Variants in TASOR observed in about 807,000 individuals in gnomAD.
TASOR encodes the protein transcription activation suppressor.
In TASOR, 53 loss-of-function variants were observed where a neutral mutation model predicts 178.6. That is an observed-to-expected ratio of 0.30 (90% confidence interval 0.24 to 0.37). The LOEUF (loss-of-function observed/expected upper bound fraction) is 0.37. Among genes scored for constraint, TASOR ranks in the 10% least tolerant of loss-of-function variants. TASOR has a pLI of 1.00. For missense variants in TASOR, 1,815 were observed against 1,971.4 expected (o/e 0.92, Z 1.50); for synonymous variants, 713 against 696.2 (o/e 1.02, Z -0.38).
chr3:56,641,504 T>C lies in TASOR; in HGVS notation c.2464A>G (p.Lys822Glu). The C allele has an allele frequency of 3.1e-6, 5 of 1,614,010 alleles. No individual in the cohort carries two copies. Among genetic ancestry groups the C allele is most frequent in the South Asian group, 1.1e-5 (1 of 91,078 alleles). Residue 822 changes from lysine to glutamate, a missense_variant, in exon 15 of 24, where the codon AAG (lysine) becomes GAG (glutamate). Physicochemically the swap from Lys to Glu is moderately conservative, Grantham distance 56. Coordinates refer to ENST00000683822, the MANE Select transcript of TASOR (RefSeq NM_001365635.2). ...HEYELNSTPDKKDYEQPTCAK... is the reference protein window; with the variant it reads ...HEYELNSTPDEKDYEQPTCAK... ...CAAGTAGGCTGCTCATAGTCTTTCT[T>C]ATCTGGGGTAGAGTTCAACTCATAC... is the stretch of plus-strand genomic sequence containing the variant.
rs1193453707 is a variant in TASOR at position 56,638,713 on chromosome 3, T to G, written c.2817A>C (p.Gln939His). 1 of 1,613,994 alleles carries G rather than the reference T, an allele frequency of 6.2e-7. No homozygotes were observed. Among genetic ancestry groups the G allele is most frequent in the Non-Finnish European group, 8.5e-7 (1 of 1,180,000 alleles). Residue 939 changes from glutamine to histidine, a missense_variant, in exon 17 of 24, where the codon CAA becomes CAC. By Grantham distance (24) the Gln-to-His change is conservative. Around this residue, in one of 5 missense-constraint regions of TASOR, gnomAD observed 655 missense variants for 671.1 expected, o/e 0.98. Transcript: ENST00000683822. ...CAAAGCAAGCCTTCTCACCTGGTGT[T>G]TGTTTCTCACCATGTTTCCCCAGCT... The part of the protein sequence containing the change: ...EDQLGKHGEK[Q>H]TPGMKSPEEQ...
rs994901125 is a variant in TASOR, at chr3:56,621,472, A to G, written c.*1565T>C. 49 of 1,097,542 alleles carry G rather than the reference A, an allele frequency of 4.5e-5. 1 individual carries two copies. In the Middle Eastern group the frequency reaches 6.3e-4, roughly 14 times the overall value. The allele number at this position is 1,097,542 out of a possible 1,614,324, so 68.0% of individuals were successfully genotyped here. A position where few individuals can be genotyped will look rare whatever the true frequency, so the allele number is the denominator to read the frequency against. ...CAAGTGAATATAATTCTAGTTTAACACAACATTGCAAGTCAGGTGTGCACA... is the reference window on the plus strand; with the variant it reads ...CAAGTGAATATAATTCTAGTTTAACGCAACATTGCAAGTCAGGTGTGCACA... On this transcript the variant is annotated 3_prime_UTR_variant, in exon 24 of 24. Transcript: ENST00000683822.
At chr3:56,668,600 T>A (rs565407742) in intron 5 of TASOR, 42 bp from the exon 6 acceptor site, 1 of 1,311,540 alleles carries the variant, frequency 7.6e-7, no homozygotes, top group African/African-American at 1.5e-5. Context: ...CTAAACCTAA[T>A]TGTTGACTAT....
At chr3:56,671,726 C>T (rs963897049) in intron 2 of TASOR, 34 bp from the exon 3 acceptor site, 25 of 1,429,342 alleles carry the variant, frequency 1.7e-5, no homozygotes, top group Non-Finnish European at 2.3e-5. Flanking sequence ...AACTACTTAG[C>T]ATGTGATTAT....
intron 11 of TASOR, among the ~76,000 whole-genome samples, chr3:56,653,941 T>G (rs1040553575): frequency 6.6e-6 from 1 of 152,176 alleles, no homozygotes; most frequent in Non-Finnish European, 1.5e-5. Context: ...TTTTTCTGAC[T>G]TAAAGACAGA....
chr3:56,644,630 G>A (rs1379651034), intron 14 of TASOR, among the ~76,000 whole-genome samples: 1 of 152,164 alleles, frequency 6.6e-6, no homozygotes, highest in Non-Finnish European at 1.5e-5. Flanking sequence ...TATATAAGAT[G>A]AGATTGGTAG....
Position 56,633,705 on chromosome 3 carries a change from G to A in TASOR, c.3086C>T (p.Ser1029Phe), listed in dbSNP as rs1319497651. 5.0e-6 allele frequency: 8 copies of A among 1,613,916 alleles called. No homozygotes were observed. The highest frequency in any genetic ancestry group is 1.7e-5 in the Admixed American group (1 of 59,998). The change falls in exon 18 of 24, where the codon TCT becomes TTT. Residue 1029 changes from serine to phenylalanine, a missense_variant. Coordinates refer to ENST00000683822, the MANE Select transcript of TASOR (RefSeq NM_001365635.2). ...CTTCAAAATCTCTTCTATCTTCCTA[G>A]AAAAGAGATTGTACTCTCCTAACAC... is the stretch of plus-strand genomic sequence containing the variant. ...RTVLGEYNLF[S>F]RKIEEILKQK... is the part of the protein sequence containing the mutation.
chr3:56,638,948 C>CACCAAGTATGAAGGTGTCTAAATGAGAA (rs1402428700), intron 16 of TASOR, among the ~76,000 whole-genome samples, 183 bp from the exon 17 acceptor site: 4 of 152,222 alleles, frequency 2.6e-5, no homozygotes, highest in African/African-American at 9.7e-5. Flanking sequence ...AATGACCCAA[C>CACCAAGTATGAAGGTGTCTAAATGAGAA]ACCAAGTATG....
chr3:56,648,444 A>T (rs1184714571), intron 13 of TASOR, among the ~76,000 whole-genome samples: 3 of 152,000 alleles, frequency 2.0e-5, no homozygotes, highest in Non-Finnish European at 4.4e-5. Context: ...CCTGGCCAAC[A>T]TGGTGAAACC....
intron 7 of TASOR, among the ~76,000 whole-genome samples, chr3:56,665,742 C>A (rs1301700853): frequency 2.6e-5 from 4 of 151,948 alleles, no homozygotes; most frequent in African/African-American, 9.7e-5. Flanking sequence ...GAGGTCGAGG[C>A]AGTAAGATCC....
chr3:56,662,638 T>C (rs969001327), intron 8 of TASOR, 148 bp from the exon 9 acceptor site: 1 of 506,128 alleles, frequency 2.0e-6, no homozygotes. Flanking sequence ...CTTCTACACT[T>C]CTATTTACTA....
At chr3:56,658,168 G>A (rs1372993803) in intron 11 of TASOR, among the ~76,000 whole-genome samples, 4 of 152,148 alleles carry the variant, frequency 2.6e-5, no homozygotes, top group Admixed American at 2.6e-4. Flanking sequence ...GCTGGAAAAC[G>A]GATAGCTACA....
intron 8 of TASOR, among the ~76,000 whole-genome samples, chr3:56,662,771 A>T (rs1467420134): frequency 1.3e-5 from 2 of 152,234 alleles, no homozygotes; most frequent in African/African-American, 4.8e-5. Flanking sequence ...AGCAAAGACA[A>T]GATAATTATT....
chr3:56,624,653 GAA>G lies in TASOR; in HGVS notation c.4319-12_4319-11del. ...ATCTTGATGTTCTTCTCTAAATTAA[GAA>G]AAAAAGTTTCATGTATGAAACACTT... On this transcript the variant is annotated splice_polypyrimidine_tract_variant and intron_variant, in intron 22 of 23. Coordinates refer to ENST00000683822, the MANE Select transcript of TASOR (RefSeq NM_001365635.2). 2 of 1,600,170 alleles carry G rather than the reference GAA, an allele frequency of 1.2e-6. No individual in the cohort carries two copies. Among genetic ancestry groups the G allele is most frequent in the Non-Finnish European group, 1.7e-6 (2 of 1,175,456 alleles).
intron 11 of TASOR, among the ~76,000 whole-genome samples, chr3:56,656,886 T>C (rs2107601797): frequency 6.6e-6 from 1 of 151,514 alleles, no homozygotes; most frequent in East Asian, 1.9e-4. Flanking sequence ...GGAGCATGCC[T>C]GTAATCCCAG....
At chr3:56,662,322 A>G in intron 9 of TASOR, 63 bp downstream of exon 9, 1 of 824,606 alleles carries the variant, frequency 1.2e-6, no homozygotes, top group Admixed American at 2.8e-5. Context: ...AAAAGAAATA[A>G]GGAAAAAGGC....
At chr3:56,666,734 G>C (rs1434946259) in intron 6 of TASOR, among the ~76,000 whole-genome samples, 5 of 151,988 alleles carry the variant, frequency 3.3e-5, no homozygotes, top group Non-Finnish European at 4.4e-5. Context: ...AAAATACTAA[G>C]AACACAATCT....
At position 56,646,565 on chromosome 3, in the gene TASOR, G is replaced by A. The variant is rs766100135; in HGVS notation, c.2172C>T (p.Leu724=). Residue 724 remains leucine (L), a synonymous_variant, in exon 14 of 24, where the codon CTC becomes CTT. Transcript: ENST00000683822. ...LEDLPENMRK[L]AKTSNLSENC... is the part of the protein sequence containing the mutation. ...TTTCAGATAAATTACTGGTTTTGGC[G>A]AGCTTTCTCATATTTTCAGGTAGAT... 43 of 1,608,318 alleles carry A rather than the reference G, an allele frequency of 2.7e-5. No individual in the cohort carries two copies. Among genetic ancestry groups the A allele is most frequent in the East Asian group, 6.7e-5 (3 of 44,868 alleles).
intron 11 of TASOR, among the ~76,000 whole-genome samples, chr3:56,651,331 T>A (rs569117728): frequency 6.6e-6 from 1 of 152,242 alleles, no homozygotes; most frequent in South Asian, 2.1e-4. Context: ...TCTACTATTT[T>A]AAATTTCCAG....
Sources: gnomAD v4.1 joint callset for allele counts (sites outside exome capture counted in the v4.1 genomes callset) on GRCh38, gnomAD v4.1.1 for gene constraint, gnomAD v4.1.1 regional missense constraint, MANE v1.5 for transcripts, NCBI Gene and HGNC (gene_info 2026-07-23, HGNC 2026-07-21) for gene names.